The following GPATCH2 variants were observed in gnomAD, a reference collection of about 807,000 sequenced individuals.
GPATCH2 encodes the protein G patch domain-containing protein 2.
In GPATCH2, 51 loss-of-function variants were observed where a neutral mutation model predicts 58.0. The ratio of observed to expected loss-of-function variants is 0.88; its 90% CI spans 0.70 to 1.11. GPATCH2 has a LOEUF of 1.11. Among genes scored for constraint, GPATCH2 ranks in the 50% most tolerant of loss-of-function variants. The probability of loss-of-function intolerance (pLI) is 0.00; values close to 1 mark genes in which losing one functional copy is unlikely to be tolerated. For synonymous variants in GPATCH2, 222 were observed against 218.5 expected (o/e 1.02, Z -0.14); for missense variants, 625 against 652.2 (o/e 0.96, Z 0.45).
intron 7 of GPATCH2, chr1:217,492,592 G>A (rs1039287352): frequency 1.3e-5 from 2 of 152,140 alleles, no homozygotes; most frequent in African/African-American, 4.8e-5. Context: ...TCCCAGCTGG[G>A]CCAGTAACTA....
At chr1:217,457,911 C>T (rs544527950) in intron 8 of GPATCH2, among the ~76,000 whole-genome samples, 99 of 152,260 alleles carry the variant, frequency 6.5e-4, no homozygotes, top group Non-Finnish European at 1.0e-3. Context: ...CTCTTGGCCA[C>T]CATTTGGTAC....
At chr1:217,532,877 CTTTTTTTTGTTTTT>C (rs1191019185) in intron 5 of GPATCH2, among the ~76,000 whole-genome samples, 3,491 of 134,166 alleles carry the variant, frequency 0.026, 44 homozygotes, top group Non-Finnish European at 0.037. Context: ...TGCTCTTTAT[CTTTTTTTTGTTTTT>C]TTTTTTTTGT....
intron 5 of GPATCH2, among the ~76,000 whole-genome samples, chr1:217,595,799 C>T (rs1051026851): frequency 3.9e-5 from 6 of 152,104 alleles, no homozygotes; most frequent in Admixed American, 2.0e-4. Flanking sequence ...CGCACCCGGC[C>T]GATCCTTCTT....
intron 5 of GPATCH2, among the ~76,000 whole-genome samples, chr1:217,549,460 T>C (rs947992237): frequency 2.0e-5 from 3 of 152,204 alleles, no homozygotes; most frequent in Non-Finnish European, 4.4e-5. Flanking sequence ...CTACTGTGTA[T>C]AGAAAGATTA....
chr1:217,497,329 G>T (rs1043577740), intron 7 of GPATCH2, among the ~76,000 whole-genome samples: 14 of 152,054 alleles, frequency 9.2e-5, no homozygotes, highest in African/African-American at 1.7e-4. Context: ...TGAATTCATA[G>T]AAATAGTGGC....
chr1:217,486,797 C>A (rs1191848980), intron 8 of GPATCH2, among the ~76,000 whole-genome samples: 1 of 152,150 alleles, frequency 6.6e-6, no homozygotes, highest in Non-Finnish European at 1.5e-5. Flanking sequence ...ATGAAATAAC[C>A]CCTTTGGTTA....
intron 8 of GPATCH2, among the ~76,000 whole-genome samples, chr1:217,456,257 C>T (rs1018644263): frequency 6.6e-6 from 1 of 152,142 alleles, no homozygotes; most frequent in Non-Finnish European, 1.5e-5. Flanking sequence ...CACAAGTACC[C>T]ACCCCTAGAT....
chr1:217,617,838 GC>G (rs1668968574), intron 2 of GPATCH2, among the ~76,000 whole-genome samples: 1 of 152,106 alleles, frequency 6.6e-6, no homozygotes, highest in Non-Finnish European at 1.5e-5. Flanking sequence ...CTGCTAGGTA[GC>G]CTGTTCATGC....
At chr1:217,532,084 C>T (rs976429343) in intron 5 of GPATCH2, among the ~76,000 whole-genome samples, 2 of 152,148 alleles carry the variant, frequency 1.3e-5, no homozygotes, top group African/African-American at 2.4e-5. Flanking sequence ...TCCGCTGGAC[C>T]GGTACACAAA....
At chr1:217,441,561 C>A (rs1266423421) in intron 9 of GPATCH2, among the ~76,000 whole-genome samples, 1 of 151,896 alleles carries the variant, frequency 6.6e-6, no homozygotes, top group Non-Finnish European at 1.5e-5. Context: ...AGTGAACAGG[C>A]AACCTATGGG....
chr1:217,553,071 T>C (rs1244696765), intron 5 of GPATCH2, among the ~76,000 whole-genome samples: 2 of 152,060 alleles, frequency 1.3e-5, no homozygotes, highest in Admixed American at 6.6e-5. Context: ...ACAAGTTCAT[T>C]TTTCTTAAGG....
intron 8 of GPATCH2, among the ~76,000 whole-genome samples, chr1:217,470,196 G>A (rs542928405): frequency 6.6e-6 from 1 of 152,250 alleles, no homozygotes; most frequent in East Asian, 1.9e-4. Flanking sequence ...TGTCCTTAAG[G>A]AAATGGACTT....
intron 5 of GPATCH2, among the ~76,000 whole-genome samples, chr1:217,552,098 G>T (rs1190529329): frequency 6.6e-6 from 1 of 151,586 alleles, no homozygotes; most frequent in Non-Finnish European, 1.5e-5. Context: ...TGAAATACGG[G>T]GAAAAAATAC....
intron 5 of GPATCH2, among the ~76,000 whole-genome samples, chr1:217,547,624 A>C (rs1056797852): frequency 6.6e-6 from 1 of 152,236 alleles, no homozygotes; most frequent in Non-Finnish European, 1.5e-5. Context: ...AATAAACTTA[A>C]ATGCCAATCA....
chr1:217,457,958 T>C (rs1660018911), intron 8 of GPATCH2, among the ~76,000 whole-genome samples: 1 of 152,166 alleles, frequency 6.6e-6, no homozygotes, highest in Admixed American at 6.5e-5. Flanking sequence ...CCGGGCGCGG[T>C]GGCTCACGCC....
At chr1:217,431,463 G>C in intron 9 of GPATCH2, 98 bp from the exon 10 acceptor site, 1 of 764,144 alleles carries the variant, frequency 1.3e-6, no homozygotes, top group Non-Finnish European at 2.3e-6. Flanking sequence ...GTTTTGTTTT[G>C]TTTTTCAACC....
intron 7 of GPATCH2, among the ~76,000 whole-genome samples, chr1:217,494,476 C>T (rs371845899): frequency 1.3e-5 from 2 of 152,318 alleles, no homozygotes; most frequent in Middle Eastern, 3.4e-3. Flanking sequence ...CAGTGGCTCA[C>T]GCCTGTAATC....
At chr1:217,523,410 C>G (rs577134680) in intron 5 of GPATCH2, among the ~76,000 whole-genome samples, 9 of 151,660 alleles carry the variant, frequency 5.9e-5, no homozygotes, top group Admixed American at 5.2e-4. Flanking sequence ...GTCTGTTTAA[C>G]AAGGCACAAC....
intron 1 of GPATCH2, among the ~76,000 whole-genome samples, chr1:217,624,783 A>G (rs1468624405): frequency 2.0e-5 from 3 of 152,240 alleles, no homozygotes; most frequent in Admixed American, 6.5e-5. Context: ...CCACTTAACT[A>G]ATTTGAGATT....
Sources: allele counts gnomAD v4.1 joint callset (sites outside exome capture counted in the v4.1 genomes callset), GRCh38; gene constraint gnomAD v4.1.1; transcripts MANE v1.5; gene names NCBI Gene and HGNC (gene_info 2026-07-23, HGNC 2026-07-21).